CMAS: variants seen among roughly 807,000 people sequenced by gnomAD.
CMAS encodes the protein cytidine monophosphate N-acetylneuraminic acid synthetase.
Under a neutral mutation model 53.4 loss-of-function variants are expected in CMAS, and 21 were observed. The observed-to-expected ratio is 0.39, with a 90% CI of 0.28 to 0.57. The LOEUF (loss-of-function observed/expected upper bound fraction) is 0.57. Among genes scored for constraint, CMAS ranks in the 20% least tolerant of loss-of-function variants. The pLI, the probability that CMAS is intolerant of heterozygous loss-of-function variation, is 0.56. For missense variants in CMAS, 384 were observed against 534.9 expected, an observed-to-expected ratio of 0.72 and a Z score of 2.78; for synonymous variants, 189 against 195.2, an observed-to-expected ratio of 0.97 and a Z score of 0.27.
chr12:22,061,818 C>T (rs1950309865), intron 6 of CMAS, among the ~76,000 whole-genome samples: 1 of 152,068 alleles, frequency 6.6e-6, no homozygotes, highest in Admixed American at 6.5e-5. Flanking sequence ...TTATGAATGA[C>T]ATTTTTGATT....
intron 1 of CMAS, among the ~76,000 whole-genome samples, chr12:22,048,869 T>G (rs1053013109): frequency 6.6e-6 from 1 of 152,122 alleles, no homozygotes; most frequent in African/African-American, 2.4e-5. Flanking sequence ...AGTTAACAAA[T>G]CCATATGGCC....
intron 7 of CMAS, among the ~76,000 whole-genome samples, chr12:22,064,147 G>C (rs1444202434): frequency 2.0e-5 from 3 of 152,106 alleles, no homozygotes; most frequent in Middle Eastern, 6.8e-3. Flanking sequence ...CAGTAGATAA[G>C]CATAGAACAA....
At chr12:22,046,605 T>A in intron 1 of CMAS, 42 bp downstream of exon 1, 1 of 1,473,644 alleles carries the variant, frequency 6.8e-7, no homozygotes, top group Non-Finnish European at 9.0e-7. Flanking sequence ...TGGGCGGGGG[T>A]CGGGAGAGGG....
chr12:22,046,538 G>A lies in CMAS; in HGVS notation c.235G>A (p.Ala79Thr). Residue 79 changes from alanine (A) to threonine (T), a missense_variant, in exon 1 of 8, where the codon GCC becomes ACC. Ala to Thr is a moderately conservative substitution (Grantham distance 58). This residue lies in a region of CMAS where 111 missense variants were observed against 132.2 expected (regional missense o/e 0.84). Transcript: ENST00000229329. ...GCTCATTGGCTGGGTCCTGCGTGCG[G>A]CCCTGGATTCAGGGGCCTTCCAGAG... ...VPLIGWVLRA[A>T]LDSGAFQSVW... 1 of 1,599,458 alleles carries A rather than the reference G, an allele frequency of 6.3e-7. No individual in the cohort carries two copies. The highest frequency in any genetic ancestry group is 8.5e-7 in the Non-Finnish European group (1 of 1,174,266).
At chr12:22,055,758 A>G (rs1950264075) in intron 3 of CMAS, 148 bp downstream of exon 3, 3 of 662,420 alleles carry the variant, frequency 4.5e-6, no homozygotes, top group Admixed American at 3.4e-5. Context: ...GACATTTACA[A>G]TCAGCTGTAA....
At chr12:22,059,907 C>T (rs1313382073) in intron 4 of CMAS, among the ~76,000 whole-genome samples, 1 of 152,038 alleles carries the variant, frequency 6.6e-6, no homozygotes, top group Admixed American at 6.6e-5. Context: ...TAATTACTAT[C>T]AGAAGAAAGA....
chr12:22,046,606 C>A lies in CMAS; in HGVS notation c.260+43C>A, dbSNP rs373255619. 1.1e-3 allele frequency: 1,603 copies of A among 1,468,378 alleles called. 2 individuals are homozygous for A. The highest frequency in any genetic ancestry group is 1.0e-3 in the Non-Finnish European group (1,131 of 1,109,530). 91.0% of individuals were successfully genotyped at this position (1,468,378 alleles called of 1,614,324 possible). ...TGGGCGGCGCGGCCTGGGCGGGGGT[C>A]GGGAGAGGGAGTCGGGCTGCTGGAG... On this transcript the variant is annotated intron_variant, in intron 1 of 7. Coordinates refer to ENST00000229329, the MANE Select transcript of CMAS (RefSeq NM_018686.6).
At chr12:22,061,091 A>G (rs1277840437) in intron 5 of CMAS, among the ~76,000 whole-genome samples, 165 bp downstream of exon 5, 1 of 152,218 alleles carries the variant, frequency 6.6e-6, no homozygotes, top group Non-Finnish European at 1.5e-5. Flanking sequence ...AAAGTGAGAA[A>G]CATTATCTGG....
intron 1 of CMAS, among the ~76,000 whole-genome samples, chr12:22,050,686 T>C (rs1950235504): frequency 6.6e-6 from 1 of 152,142 alleles, no homozygotes; most frequent in Non-Finnish European, 1.5e-5. Context: ...ATCACTCAGC[T>C]CTACTGTTGT....
In CMAS at chr12:22,062,520, C is replaced by G. The variant is rs970574227; in HGVS notation, c.1114+86C>G. 6 of 1,324,542 alleles carry G rather than the reference C, an allele frequency of 4.5e-6. No homozygotes were observed. In the Admixed American group the frequency reaches 1.1e-4, roughly 25 times the overall value. The allele number at this position is 1,324,542 out of a possible 1,614,324, so 82.0% of individuals were successfully genotyped here. A position where few individuals can be genotyped will look rare whatever the true frequency, so the allele number is the denominator to read the frequency against. On this transcript the variant is annotated intron_variant, in intron 7 of 7. Transcript: ENST00000229329. ...TTAAAGAAATGACAAAGCACATCCT[C>G]CAAATGGGTATGATTGTAGGGAAAT... is the stretch of plus-strand genomic sequence containing the variant.
chr12:22,057,258 C>CACAT (rs1300281601), intron 3 of CMAS, among the ~76,000 whole-genome samples: 2 of 151,454 alleles, frequency 1.3e-5, no homozygotes, highest in Non-Finnish European at 2.9e-5. Context: ...CACACACACA[C>CACAT]ACACACACAC....
At chr12:22,062,125 ACAGT>A (rs1451646367) in intron 6 of CMAS, among the ~76,000 whole-genome samples, 152 bp from the exon 7 acceptor site, 4 of 152,176 alleles carry the variant, frequency 2.6e-5, no homozygotes, top group African/African-American at 9.6e-5. Flanking sequence ...TTTTAATTCG[ACAGT>A]CAGTTTTCTT....
At chr12:22,064,763 T>C (rs1950333944) in intron 7 of CMAS, among the ~76,000 whole-genome samples, 1 of 152,176 alleles carries the variant, frequency 6.6e-6, no homozygotes, top group African/African-American at 2.4e-5. Context: ...AATTTTTCAA[T>C]ATAAAATTGG....
At chr12:22,062,471 C>A (rs756258200) in intron 7 of CMAS, 37 bp downstream of exon 7, 7 of 1,578,700 alleles carry the variant, frequency 4.4e-6, no homozygotes, top group Admixed American at 1.8e-5. Context: ...TAAAATGGAC[C>A]AGGAATTAAT....
At chr12:22,061,505 A>G (rs1380356728) in intron 6 of CMAS, 53 bp downstream of exon 6, 4 of 1,226,226 alleles carry the variant, frequency 3.3e-6, no homozygotes, top group Non-Finnish European at 4.5e-6. Context: ...TTCAGGGTCA[A>G]AGAACATGCA....
In CMAS at chr12:22,065,475, T is replaced by C. The variant is rs528004368; in HGVS notation, c.*164T>C. On this transcript the variant is annotated 3_prime_UTR_variant, in exon 8 of 8. Coordinates refer to ENST00000229329, the MANE Select transcript of CMAS (RefSeq NM_018686.6). ...TTTCTCTTTACGCAAGATAATTATT[T>C]AGAGACTGATTACAGTCTTTCTCAG... The C allele has an allele frequency of 4.6e-5, 26 of 570,736 alleles. No homozygotes were observed. The highest frequency in any genetic ancestry group is 7.4e-5 in the Non-Finnish European group (24 of 326,202). 35.4% of individuals were successfully genotyped at this position (570,736 alleles called of 1,614,324 possible). A position where few individuals can be genotyped will look rare whatever the true frequency, so the allele number is the denominator to read the frequency against.
chr12:22,062,467 G>A (rs1209394181), intron 7 of CMAS, 33 bp downstream of exon 7: 2 of 1,587,570 alleles, frequency 1.3e-6, no homozygotes, highest in Admixed American at 3.5e-5. Context: ...ATAGTAAAAT[G>A]GACCAGGAAT....
At position 22,065,458 on chromosome 12, in the gene CMAS, T is replaced by C. The variant is rs1467521275; in HGVS notation, c.*147T>C. The C allele has an allele frequency of 1.7e-6, 1 of 598,292 alleles. No individual in the cohort carries two copies. The highest frequency in any genetic ancestry group is 2.9e-6 in the Non-Finnish European group (1 of 349,846). The allele number at this position is 598,292 out of a possible 1,614,324, so 37.1% of individuals were successfully genotyped here. ...ATATATTGTGCTCTACTTTTCTCTT[T>C]ACGCAAGATAATTATTTAGAGACTG... On this transcript the variant is annotated 3_prime_UTR_variant, in exon 8 of 8. Transcript: ENST00000229329.
rs779106335 is a variant in CMAS at position 22,055,244 on chromosome 12, G to C, written c.356G>C (p.Ser119Thr). The change falls in exon 2 of 8, where the codon AGC becomes ACC. Residue 119 changes from serine (S) to threonine (T), a missense_variant. By Grantham distance (58) the Ser-to-Thr change is moderately conservative. This residue lies in a region of CMAS where 139 missense variants were observed against 248.0 expected (regional missense o/e 0.56). Transcript: ENST00000229329. ...HRRSSEVSKDSSTSLDAIIEF... is the reference protein window; with the variant it reads ...HRRSSEVSKDTSTSLDAIIEF... ...AGAAGTTCTGAAGTTTCAAAAGACAGCTCTACCTCACTAGATGCCATCATA... is the reference window on the plus strand; with the variant it reads ...AGAAGTTCTGAAGTTTCAAAAGACACCTCTACCTCACTAGATGCCATCATA... 1.2e-6 allele frequency: 2 copies of C among 1,610,816 alleles called. No individual in the cohort carries two copies. The highest frequency in any genetic ancestry group is 4.5e-5 in the East Asian group (2 of 44,802).
Sources: gnomAD v4.1 joint callset for allele counts (sites outside exome capture counted in the v4.1 genomes callset) on GRCh38, gnomAD v4.1.1 for gene constraint, gnomAD v4.1.1 regional missense constraint, MANE v1.5 for transcripts, NCBI Gene and HGNC (gene_info 2026-07-23, HGNC 2026-07-21) for gene names.